TNS1: variants seen among roughly 807,000 people sequenced by gnomAD.
TNS1 encodes the protein tensin-1.
TNS1 carries 62 observed loss-of-function variants against 168.6 expected under a neutral mutation model. The observed-to-expected ratio is 0.37, with a 90% CI of 0.30 to 0.45. The LOEUF (loss-of-function observed/expected upper bound fraction) is 0.45. TNS1 is among the 20% of genes least tolerant of loss of function. The pLI is 1.00. For synonymous variants in TNS1, 934 were observed against 933.2 expected, an observed-to-expected ratio of 1.00 and a Z score of -0.02; for missense variants, 2,240 against 2,339.4, an observed-to-expected ratio of 0.96 and a Z score of 0.88.
chr2:217,897,680 AAAGAG>A (rs1952464039), intron 8 of TNS1, 113 bp downstream of exon 8: 4 of 1,153,496 alleles, frequency 3.5e-6, no homozygotes, highest in Non-Finnish European at 2.4e-6. Context: ...GCAGATAAAC[AAAGAG>A]AAGAGGGCAT....
chr2:217,905,975 C>T (rs537872846), intron 6 of TNS1, among the ~76,000 whole-genome samples: 4 of 152,346 alleles, frequency 2.6e-5, no homozygotes, highest in East Asian at 1.9e-4. Flanking sequence ...TAAGACCCCC[C>T]GCCAAGAGTC....
rs561765062 is a variant in TNS1, at chr2:217,920,757, G to A, written c.187-521C>T. The stretch of plus-strand genomic sequence containing the variant: ...CTCCTACCAGCTCTGGCACTTTCCC[G>A]GAGCATGCATGAAATGGGTTGGTAA... On this transcript the variant is annotated intron_variant, in intron 3 of 32. Coordinates refer to ENST00000682258, the MANE Select transcript of TNS1 (RefSeq NM_001387777.1). Among the ~76,000 whole-genome samples the A allele has an allele frequency of 5.9e-5, 9 of 152,036 alleles. No homozygotes were observed. The South Asian group carries it at 1.5e-3, about 25-fold the overall frequency.
chr2:217,906,104 G>A (rs1953659261), intron 6 of TNS1, among the ~76,000 whole-genome samples: 2 of 152,156 alleles, frequency 1.3e-5, no homozygotes, highest in African/African-American at 4.8e-5. Flanking sequence ...TGAGCACCGA[G>A]GCCTGGCGCA....
chr2:218,019,537 C>T (rs116762579), intron 1 of TNS1, among the ~76,000 whole-genome samples: 2,718 of 152,310 alleles, frequency 0.018, 74 homozygotes, highest in African/African-American at 0.061. Context: ...GGAGGACTCA[C>T]GGGGCCTCTT....
intron 3 of TNS1, among the ~76,000 whole-genome samples, chr2:217,923,651 T>A (rs1372999524): frequency 1.3e-5 from 2 of 152,200 alleles, no homozygotes; most frequent in Non-Finnish European, 2.9e-5. Context: ...GAGTGCACTA[T>A]GTCTACACTC....
rs1158034555 is a variant in TNS1, at chr2:217,880,724, A to T, written c.1429+174T>A. 6.6e-6 allele frequency among the ~76,000 whole-genome samples: 1 copy of T among 151,802 alleles called. No individual in the cohort carries two copies. The highest frequency in any genetic ancestry group is 2.4e-5 in the African/African-American group (1 of 41,282). ...GTCCTCACTTTTATTTAATACATTCATATATGTGCCTTATCTTCCCCCAGT... is the reference window on the plus strand; with the variant it reads ...GTCCTCACTTTTATTTAATACATTCTTATATGTGCCTTATCTTCCCCCAGT... On this transcript the variant is annotated intron_variant, in intron 18 of 32. Transcript: ENST00000682258. This position sits in a 1 kb window ranked among gnomAD's most constrained non-coding sequence, Gnocchi z 4.2.
At position 217,803,520 on chromosome 2, in the gene TNS1, T is replaced by G. The variant is rs781758020; in HGVS notation, c.*939A>C. 6.6e-6 allele frequency: 1 copy of G among 152,612 alleles called. No individual in the cohort carries two copies. Among genetic ancestry groups the G allele is most frequent in the Non-Finnish European group, 1.5e-5 (1 of 68,068 alleles). The allele number at this position is 152,612 out of a possible 1,614,324, so 9.5% of individuals were successfully genotyped here. A position where few individuals can be genotyped will look rare whatever the true frequency, so the allele number is the denominator to read the frequency against. On this transcript the variant is annotated 3_prime_UTR_variant, in exon 33 of 33. Transcript: ENST00000682258. ...ACAGCTGCCTGTTCTGACAGATCTC[T>G]TCCTATGGATACACATATCTCTACC...
At chr2:217,965,173 T>C (rs1169505949) in intron 3 of TNS1, among the ~76,000 whole-genome samples, 1 of 152,160 alleles carries the variant, frequency 6.6e-6, no homozygotes, top group African/African-American at 2.4e-5. Flanking sequence ...TAGCTGTTTG[T>C]TATTTCTGGG....
chr2:217,909,170 G>A (rs1219130818), intron 4 of TNS1, among the ~76,000 whole-genome samples: 1 of 147,760 alleles, frequency 6.8e-6, no homozygotes, highest in Admixed American at 6.9e-5. Flanking sequence ...TTCTTTTCCA[G>A]GGGCTCTGTC....
chr2:217,927,351 G>A (rs1332178554), intron 3 of TNS1, among the ~76,000 whole-genome samples: 1 of 152,198 alleles, frequency 6.6e-6, no homozygotes, highest in Non-Finnish European at 1.5e-5. Context: ...ATGAAGGGAA[G>A]AAGGATGGCA....
rs1952835998 is a variant in TNS1 at position 217,900,468 on chromosome 2, G to A, written c.366C>T (p.Pro122=). The A allele has an allele frequency of 6.5e-7, 1 of 1,535,130 alleles. No individual in the cohort carries two copies. The highest frequency in any genetic ancestry group is 2.0e-5 in the Admixed American group (1 of 50,882). ...CCCCCACGGGCCAGGCATACCTGAT[G>A]GGCTGGAGGTGGGGCTGGACACTCG... is the stretch of plus-strand genomic sequence containing the variant. ...VTPSVQPHLQ[P]IRNMSVSRTM... The change falls in exon 7 of 33, where the codon CCC becomes CCT. Residue 122 remains proline, a synonymous_variant. Transcript: ENST00000682258.
rs1958845544 is a variant in TNS1 at position 218,025,771 on chromosome 2, G to A, written c.156+8049C>T. Among the ~76,000 whole-genome samples, 9 of 151,920 alleles carry A rather than the reference G, an allele frequency of 5.9e-5. No individual in the cohort carries two copies. In the South Asian group the frequency reaches 1.7e-3, roughly 28 times the overall value. On this transcript the variant is annotated intron_variant, in intron 1 of 1. Transcript: ENST00000649572. ...AGCTCACTGCAGCCTCAAACTCCTGGGCTCAAGTGAGCCTCCTGTCTCAGC... is the reference window on the plus strand; with the variant it reads ...AGCTCACTGCAGCCTCAAACTCCTGAGCTCAAGTGAGCCTCCTGTCTCAGC...
chr2:217,865,415 T>C (rs1288528456), intron 18 of TNS1, among the ~76,000 whole-genome samples: 1 of 152,168 alleles, frequency 6.6e-6, no homozygotes, highest in African/African-American at 2.4e-5. Context: ...CATCTGCTTC[T>C]CGAAGGTTCT....
chr2:218,010,391 G>T (rs926049232), exon 1 of TNS1: 1 of 390,356 alleles, frequency 2.6e-6, no homozygotes. Context: ...GAGCGGCGCG[G>T]GAGGCCCGCG....
chr2:217,903,670 G>A (rs980185193), intron 6 of TNS1: 2 of 1,414,268 alleles, frequency 1.4e-6, no homozygotes, highest in African/African-American at 1.4e-5. Context: ...CTCCCAGACA[G>A]AGTGTCTTAC....
chr2:217,925,499 T>C (rs116484130), intron 3 of TNS1, among the ~76,000 whole-genome samples: 3,290 of 152,224 alleles, frequency 0.022, 117 homozygotes, highest in African/African-American at 0.074. Flanking sequence ...CACACTCACC[T>C]GGCCCCTGGG....
intron 19 of TNS1, chr2:217,841,277 C>T (rs1026813425): frequency 1.3e-5 from 13 of 984,966 alleles, no homozygotes; most frequent in African/African-American, 3.5e-5. Flanking sequence ...TGCAGCCTGG[C>T]GTTGTACGCT....
intron 1 of TNS1, among the ~76,000 whole-genome samples, chr2:218,023,337 C>G (rs550069188): frequency 1.3e-5 from 2 of 152,222 alleles, no homozygotes; most frequent in Non-Finnish European, 2.9e-5. Flanking sequence ...TCAACTTCCC[C>G]CTCTGTGAAA....
chr2:217,852,978 G>A (rs934553314), intron 18 of TNS1, among the ~76,000 whole-genome samples: 1 of 152,082 alleles, frequency 6.6e-6, no homozygotes, highest in Non-Finnish European at 1.5e-5. Context: ...CAGCCCTGAT[G>A]AGGACTCTGC....
Sources: gnomAD v4.1 joint callset for allele counts (sites outside exome capture counted in the v4.1 genomes callset) on GRCh38, gnomAD v4.1.1 for gene constraint, Gnocchi (gnomAD v3.1) non-coding constraint, MANE v1.5 for transcripts, NCBI Gene and HGNC (gene_info 2026-07-23, HGNC 2026-07-21) for gene names.